CAST: variants seen among roughly 807,000 people sequenced by gnomAD.
CAST encodes MIR583 host.
In CAST, 76 loss-of-function variants were observed where a neutral mutation model predicts 119.6. That is an observed-to-expected ratio of 0.64 (90% CI 0.53 to 0.77). The LOEUF (loss-of-function observed/expected upper bound fraction) is 0.77, where lower values mean the gene tolerates loss of function less well. Ranked by LOEUF, CAST falls within the 30% of genes least tolerant of loss-of-function variation. The pLI, the probability that CAST is intolerant of heterozygous loss-of-function variation, is 0.00. For missense variants in CAST, 953 were observed against 946.5 expected (o/e 1.01, Z -0.09); for synonymous variants, 319 against 331.6 (o/e 0.96, Z 0.41).
At chr5:96,141,120 T>C in the CAST span, among the ~76,000 whole-genome samples, 1 of 152,234 alleles carries the variant, frequency 6.6e-6, no homozygotes, top group Non-Finnish European at 1.5e-5. Flanking sequence ...GATAAATGTA[T>C]ATTCATTATA....
chr5:96,476,544 C>A, the CAST span, among the ~76,000 whole-genome samples: 1 of 152,218 alleles, frequency 6.6e-6, no homozygotes, highest in Non-Finnish European at 1.5e-5. Context: ...TTTGACTCGG[C>A]CTTTCTTGTT....
the CAST span, among the ~76,000 whole-genome samples, chr5:96,459,481 A>G: frequency 6.6e-6 from 1 of 152,190 alleles, no homozygotes; most frequent in African/African-American, 2.4e-5. Flanking sequence ...TTAATATAGT[A>G]GTTGAAATGT....
chr5:96,467,156 G>A, the CAST span, among the ~76,000 whole-genome samples: 2 of 151,724 alleles, frequency 1.3e-5, no homozygotes, highest in African/African-American at 4.8e-5. Flanking sequence ...TGTCTTCCCT[G>A]TCTTTTCCTC....
At chr5:96,172,305 G>T in the CAST span, among the ~76,000 whole-genome samples, 1 of 152,172 alleles carries the variant, frequency 6.6e-6, no homozygotes, top group Non-Finnish European at 1.5e-5. Flanking sequence ...ATCAGTTAAG[G>T]CAGGAACAGG....
chr5:96,164,771 T>G, the CAST span, among the ~76,000 whole-genome samples: 1 of 152,224 alleles, frequency 6.6e-6, no homozygotes, highest in South Asian at 2.1e-4. Context: ...TGCCCTGGGT[T>G]GGCCAAGAAT....
chr5:96,371,685 G>A, the CAST span, among the ~76,000 whole-genome samples: 4 of 152,292 alleles, frequency 2.6e-5, no homozygotes, highest in African/African-American at 9.6e-5. Context: ...CTGGCACATA[G>A]TAGGTGTTCA....
At chr5:96,375,130 A>G in the CAST span, among the ~76,000 whole-genome samples, 4 of 152,228 alleles carry the variant, frequency 2.6e-5, no homozygotes, top group Non-Finnish European at 5.9e-5. Context: ...AGAAATAGTA[A>G]CAGAGGGGCA....
At chr5:96,412,181 A>C in the CAST span, 3 of 825,044 alleles carry the variant, frequency 3.6e-6, no homozygotes, top group Non-Finnish European at 6.2e-6. Flanking sequence ...TGGCCCTCTA[A>C]GTGCATTTAA....
At chr5:96,114,866 C>T in the CAST span, among the ~76,000 whole-genome samples, 1 of 152,172 alleles carries the variant, frequency 6.6e-6, no homozygotes, top group African/African-American at 2.4e-5. Context: ...ATGCTGTTTT[C>T]TCTGCTCAAG....
chr5:96,765,074 A>ACCCTGTCTACTCCCCTGC, intron 25 of CAST, 147 bp from the exon 26 acceptor site: 2 of 630,464 alleles, frequency 3.2e-6, no homozygotes, highest in South Asian at 3.9e-5. Flanking sequence ...CTCTTCTCTG[A>ACCCTGTCTACTCCCCTGC]CCCTGTCTAC....
the CAST span, among the ~76,000 whole-genome samples, chr5:96,317,803 G>T: frequency 6.6e-6 from 1 of 152,082 alleles, no homozygotes; most frequent in Non-Finnish European, 1.5e-5. Context: ...GATCTTATGG[G>T]TGTTTTTTTA....
At chr5:96,454,797 TTC>T in the CAST span, among the ~76,000 whole-genome samples, 7 of 152,358 alleles carry the variant, frequency 4.6e-5, no homozygotes, top group African/African-American at 1.7e-4. Context: ...GAGAGATGTA[TTC>T]CCTTTTCTAC....
chr5:96,156,388 A>G, the CAST span, among the ~76,000 whole-genome samples: 3 of 152,178 alleles, frequency 2.0e-5, no homozygotes, highest in Non-Finnish European at 2.9e-5. Flanking sequence ...TTCAGTCTTC[A>G]AAGGAGACCA....
chr5:96,484,811 C>A, the CAST span, among the ~76,000 whole-genome samples: 1 of 152,074 alleles, frequency 6.6e-6, no homozygotes, highest in Admixed American at 6.6e-5. Context: ...TCCTGCTCTG[C>A]CAATTAATGC....
At chr5:96,702,739 CCGCCGGGCAGGGGGGCGGGGA>C in intron 3 of CAST, 1 of 983,082 alleles carries the variant, frequency 1.0e-6, no homozygotes, top group Non-Finnish European at 1.2e-6. Context: ...CGGGGCGGGG[CCGCCGGGCAGGGGGGCGGGGA>C]GCATCCTGCG....
chr5:96,258,166 G>A, the CAST span, among the ~76,000 whole-genome samples: 4 of 152,162 alleles, frequency 2.6e-5, no homozygotes, highest in Non-Finnish European at 5.9e-5. Flanking sequence ...TAAAGGCCAT[G>A]ACATCGTAAC....
chr5:96,330,609 C>A, the CAST span, among the ~76,000 whole-genome samples: 2 of 152,186 alleles, frequency 1.3e-5, no homozygotes, highest in South Asian at 4.1e-4. Context: ...TTTTAAGAAG[C>A]TTCTAACAAT....
intron 1 of CAST, among the ~76,000 whole-genome samples, chr5:96,534,590 A>T (rs1745747068): frequency 6.6e-6 from 1 of 150,866 alleles, no homozygotes; most frequent in African/African-American, 2.4e-5. Context: ...AATCCCTTGA[A>T]CCCAGGAGGC....
At chr5:96,514,316 G>A in the CAST span, among the ~76,000 whole-genome samples, 5 of 152,208 alleles carry the variant, frequency 3.3e-5, no homozygotes, top group South Asian at 4.2e-4. Context: ...TATGAGTGCT[G>A]GACCAGAGGT....
Sources: allele counts gnomAD v4.1 joint callset (sites outside exome capture counted in the v4.1 genomes callset), GRCh38; gene constraint gnomAD v4.1.1; transcripts MANE v1.5; gene names NCBI Gene and HGNC (gene_info 2026-07-23, HGNC 2026-07-21).